The following PRKCZ variants were observed in gnomAD, a reference collection of about 807,000 sequenced individuals.
PRKCZ encodes the protein protein kinase C zeta type.
PRKCZ carries 33 observed loss-of-function variants against 79.5 expected under a neutral mutation model. That is an observed-to-expected ratio of 0.41 (90% confidence interval 0.31 to 0.55). The LOEUF (loss-of-function observed/expected upper bound fraction) is 0.55. Ranked by LOEUF, PRKCZ falls within the 20% of genes least tolerant of loss-of-function variation. PRKCZ has a pLI of 0.19. For missense variants in PRKCZ, 578 were observed against 813.5 expected (o/e 0.71, Z 3.52); for synonymous variants, 342 against 320.9 (o/e 1.07, Z -0.70).
At position 2,059,547 on chromosome 1, in the gene PRKCZ, CGAGCACCCCT is replaced by C; in HGVS notation, c.296_305del (p.Thr99SerfsTer77). ...CTTTCTCTCTCTTGTCCAGTTTTCC[CGAGCACCCCT>C]GAGCAGCCTGGCCTGCCATGTCCGG... is the stretch of plus-strand genomic sequence containing the variant. On this transcript the variant is annotated frameshift_variant, in exon 4 of 18. Transcript: ENST00000378567. LOFTEE classifies it high-confidence loss of function. 1 of 1,614,190 alleles carries C rather than the reference CGAGCACCCCT, an allele frequency of 6.2e-7. No homozygotes were observed. The highest frequency in any genetic ancestry group is 2.2e-5 in the East Asian group (1 of 44,880).
intron 4 of PRKCZ, among the ~76,000 whole-genome samples, chr1:2,112,840 C>G (rs1670024709): frequency 6.6e-6 from 1 of 152,162 alleles, no homozygotes; most frequent in South Asian, 2.1e-4. Context: ...CAGGAGCTCG[C>G]CACCATGTCT....
Position 2,146,678 on chromosome 1 carries a change from C to T in PRKCZ, c.634+570C>T, listed in dbSNP as rs147320632. Among the ~76,000 whole-genome samples the T allele has an allele frequency of 8.5e-4, 129 of 152,318 alleles. 1 individual carries two copies. Among genetic ancestry groups the T allele is most frequent in the African/African-American group, 3.0e-3 (126 of 41,566 alleles). ...GAGCCTCCACACCTGCACCTCTGCA[C>T]GGGGGTGTGAGAGCCTCACTTTCAC... is the stretch of plus-strand genomic sequence containing the variant. On this transcript the variant is annotated intron_variant, in intron 7 of 17. Transcript: ENST00000378567.
chr1:2,120,291 TC>T, intron 4 of PRKCZ, among the ~76,000 whole-genome samples: 2 of 141,596 alleles, frequency 1.4e-5, no homozygotes, highest in Non-Finnish European at 3.1e-5. Context: ...CCTTGACTTT[TC>T]GTTTTTTTTT....
intron 1 of PRKCZ, 66 bp downstream of exon 1, chr1:2,050,767 C>A: frequency 1.0e-6 from 1 of 984,036 alleles, no homozygotes; most frequent in South Asian, 5.1e-5. Context: ...GCTCAGCCGT[C>A]GGGGCTCCTG....
intron 4 of PRKCZ, among the ~76,000 whole-genome samples, chr1:2,087,604 C>G (rs1028531098): frequency 6.6e-6 from 1 of 152,150 alleles, no homozygotes; most frequent in Non-Finnish European, 1.5e-5. Flanking sequence ...GGGTTGTATC[C>G]CATCACCTGG....
intron 7 of PRKCZ, among the ~76,000 whole-genome samples, chr1:2,147,368 C>T (rs1678807106): frequency 6.6e-6 from 1 of 151,358 alleles, no homozygotes; most frequent in Non-Finnish European, 1.5e-5. Context: ...CTATTGTCCA[C>T]TGACCTCTCT....
chr1:2,171,740 C>A (rs902031554), intron 11 of PRKCZ: 2 of 330,132 alleles, frequency 6.1e-6, no homozygotes, highest in Non-Finnish European at 1.1e-5. Context: ...CCTACCACAA[C>A]GTGCCATGGC....
rs539928847 is a variant in PRKCZ at position 2,065,401 on chromosome 1, G to A, written c.334+5810G>A. Among the ~76,000 whole-genome samples the A allele has an allele frequency of 1.8e-4, 28 of 152,232 alleles. No individual in the cohort carries two copies. In the East Asian group the frequency reaches 2.1e-3, roughly 12 times the overall value. ...TTGAATAAAAGTGGTGTGATCGGCC[G>A]GGCGCGGTGGCTCACGCCTGTAATC... On this transcript the variant is annotated intron_variant, in intron 4 of 17. Coordinates refer to ENST00000378567, the MANE Select transcript of PRKCZ (RefSeq NM_002744.6).
intron 4 of PRKCZ, among the ~76,000 whole-genome samples, chr1:2,077,929 T>A (rs1274810284): frequency 1.3e-5 from 2 of 152,230 alleles, no homozygotes; most frequent in African/African-American, 4.8e-5. Context: ...TGAATATGCA[T>A]GAGCTACCAT....
Position 2,098,961 on chromosome 1 carries a change from G to A in PRKCZ, c.335-36301G>A, listed in dbSNP as rs28716375. Among the ~76,000 whole-genome samples the A allele has an allele frequency of 9.0e-3, 1,366 of 152,326 alleles. 22 individuals carry two copies. Among genetic ancestry groups the A allele is most frequent in the African/African-American group, 0.031 (1,279 of 41,562 alleles). On this transcript the variant is annotated intron_variant, in intron 4 of 17. Transcript: ENST00000378567. ...CTCCCAAAGTGCTGGGATGACAGGC[G>A]TGAGCCACCGCGCCGGGCCCAATAG...
chr1:2,184,693 C>T lies in PRKCZ; in HGVS notation c.1686C>T (p.Asp562=), dbSNP rs372185607. Residue 562 remains aspartate, a synonymous_variant, in exon 17 of 18, where the codon GAC becomes GAT. Transcript: ENST00000378567. Reference sequence around the variant, plus strand: ...GCGAGCCCGTGCAGCTGACCCCAGACGATGAGTGAGTCCCACTGGGTGCGG... The same window carrying T: ...GCGAGCCCGTGCAGCTGACCCCAGATGATGAGTGAGTCCCACTGGGTGCGG... ...FTSEPVQLTP[D]DEDAIKRIDQ... is the part of the protein sequence containing the mutation. 1.3e-5 allele frequency: 21 copies of T among 1,612,886 alleles called. No individual in the cohort carries two copies. Among genetic ancestry groups the T allele is most frequent in the Middle Eastern group, 1.6e-4 (1 of 6,062 alleles).
rs1471021894 is a variant in PRKCZ, at chr1:2,168,376, A to T, written c.975-1142A>T. Among the ~76,000 whole-genome samples, 1 of 152,206 alleles carries T rather than the reference A, an allele frequency of 6.6e-6. No individual in the cohort carries two copies. The highest frequency in any genetic ancestry group is 2.4e-5 in the African/African-American group (1 of 41,448). ...ACATCCGTTGGAGGCAGGGGAGACA[A>T]CAAAAGCCGAGGAACGAGCCTTCCC... On this transcript the variant is annotated intron_variant, in intron 10 of 17. Coordinates refer to ENST00000378567, the MANE Select transcript of PRKCZ (RefSeq NM_002744.6). This position sits in a 1 kb window ranked among gnomAD's most constrained non-coding sequence, Gnocchi z 4.7.
rs369566083 is a variant in PRKCZ at position 2,075,910 on chromosome 1, C to G, written c.334+16319C>G. Among the ~76,000 whole-genome samples the G allele has an allele frequency of 6.6e-6, 1 of 152,212 alleles. No homozygotes were observed. Among genetic ancestry groups the G allele is most frequent in the Non-Finnish European group, 1.5e-5 (1 of 68,032 alleles). On this transcript the variant is annotated intron_variant, in intron 4 of 17. Transcript: ENST00000378567. The surrounding 1 kb of genome is among the most constrained non-coding windows in gnomAD (Gnocchi z 4.8). ...CGGGGGCTGCGTCTCATCTGCCACA[C>G]GTTTCTGATCGCCGAGGACTCAGCC...
At chr1:2,139,537 C>T (rs1372880188) in intron 5 of PRKCZ, among the ~76,000 whole-genome samples, 8 of 152,022 alleles carry the variant, frequency 5.3e-5, no homozygotes, top group Admixed American at 3.9e-4. Flanking sequence ...TGTAGTGAGC[C>T]GAGATGGCAC....
chr1:2,152,433 G>A (rs1471454919), intron 9 of PRKCZ, among the ~76,000 whole-genome samples: 1 of 152,142 alleles, frequency 6.6e-6, no homozygotes, highest in Non-Finnish European at 1.5e-5. Context: ...CTCAGAGGCT[G>A]AGACAGGAGA....
intron 11 of PRKCZ, 29 bp downstream of exon 11, chr1:2,169,633 G>A (rs1274249891): frequency 6.9e-7 from 1 of 1,445,406 alleles, no homozygotes; most frequent in Non-Finnish European, 9.2e-7. Context: ...GGCCGGGTGG[G>A]TGCGCCCGGA....
rs4553119 is a variant in PRKCZ at position 2,177,699 on chromosome 1, C to T, written c.1575+2386C>T. Among the ~76,000 whole-genome samples, 40 of 152,306 alleles carry T rather than the reference C, an allele frequency of 2.6e-4. No homozygotes were observed. The highest frequency in any genetic ancestry group is 8.7e-4 in the African/African-American group (36 of 41,558). On this transcript the variant is annotated intron_variant, in intron 16 of 17. Coordinates refer to ENST00000378567, the MANE Select transcript of PRKCZ (RefSeq NM_002744.6). The surrounding 1 kb of genome is among the most constrained non-coding windows in gnomAD (Gnocchi z 6.4). Reference sequence around the variant, plus strand: ...GGTGATCTCTGGCACACACTTGCCGCGGGCTGTCTCTCGGAAGGTAGTCAG... The same window carrying T: ...GGTGATCTCTGGCACACACTTGCCGTGGGCTGTCTCTCGGAAGGTAGTCAG...
chr1:2,102,745 C>T (rs867842229), intron 4 of PRKCZ, among the ~76,000 whole-genome samples: 1 of 152,154 alleles, frequency 6.6e-6, no homozygotes, highest in Non-Finnish European at 1.5e-5. Flanking sequence ...AAATGCAAGT[C>T]TCCTCCCCCA....
intron 4 of PRKCZ, among the ~76,000 whole-genome samples, chr1:2,129,947 G>A (rs1557640166): frequency 6.6e-6 from 1 of 152,192 alleles, no homozygotes; most frequent in Non-Finnish European, 1.5e-5. Context: ...TTGTTGCCCA[G>A]GCTGGAATAC....
Sources: gnomAD v4.1 joint callset for allele counts (sites outside exome capture counted in the v4.1 genomes callset) on GRCh38, gnomAD v4.1.1 for gene constraint, Gnocchi (gnomAD v3.1) non-coding constraint, MANE v1.5 for transcripts, NCBI Gene and HGNC (gene_info 2026-07-23, HGNC 2026-07-21) for gene names.